USP24: variants seen among roughly 807,000 people sequenced by gnomAD.
USP24 encodes the protein ubiquitin specific peptidase 24.
In USP24, 97 loss-of-function variants were observed where a neutral mutation model predicts 361.6. The ratio of observed to expected loss-of-function variants is 0.27; its 90% CI spans 0.23 to 0.32. The LOEUF (loss-of-function observed/expected upper bound fraction) is 0.32, where lower values mean the gene tolerates loss of function less well. Ranked by LOEUF, USP24 falls within the 10% of genes least tolerant of loss-of-function variation. USP24 has a pLI of 1.00. For synonymous variants in USP24, 1,098 were observed against 1,124.6 expected, an observed-to-expected ratio of 0.98 and a Z score of 0.47; for missense variants, 2,353 against 3,165.6, an observed-to-expected ratio of 0.74 and a Z score of 6.16.
At chr1:55,149,413 C>T (rs185396252) in intron 16 of USP24, among the ~76,000 whole-genome samples, 35 of 152,210 alleles carry the variant, frequency 2.3e-4, no homozygotes, top group African/African-American at 7.7e-4. Context: ...GTTTTAATGC[C>T]TCCTTGTTCT....
intron 59 of USP24, 147 bp from the exon 60 acceptor site, chr1:55,079,806 A>AGAGTACTCACACG: frequency 2.9e-6 from 3 of 1,037,042 alleles, no homozygotes; most frequent in Non-Finnish European, 3.9e-6. Context: ...GTACTCACAC[A>AGAGTACTCACACG]CTGAGTACTC....
At chr1:55,109,921 T>G (rs1645901279) in intron 39 of USP24, among the ~76,000 whole-genome samples, 1 of 152,200 alleles carries the variant, frequency 6.6e-6, no homozygotes, top group Non-Finnish European at 1.5e-5. Flanking sequence ...AATAGTTTCG[T>G]ATCAGTGTAA....
At chr1:55,156,686 C>T (rs1209860561) in intron 12 of USP24, among the ~76,000 whole-genome samples, 3 of 152,060 alleles carry the variant, frequency 2.0e-5, no homozygotes, top group African/African-American at 7.2e-5. Context: ...CCTAGCTCTG[C>T]CACTAACTGC....
intron 1 of USP24, among the ~76,000 whole-genome samples, chr1:55,182,284 T>C (rs1473863745): frequency 6.6e-6 from 1 of 152,194 alleles, no homozygotes; most frequent in Non-Finnish European, 1.5e-5. Flanking sequence ...TCTCTTGACC[T>C]CATCGTGATA....
intron 56 of USP24, among the ~76,000 whole-genome samples, chr1:55,085,081 G>A (rs1295871019): frequency 6.6e-6 from 1 of 152,190 alleles, no homozygotes; most frequent in East Asian, 1.9e-4. Context: ...TTGCATCTAG[G>A]TAGGATTTTG....
chr1:55,144,858 TG>T (rs1201226612), intron 20 of USP24, among the ~76,000 whole-genome samples: 1 of 152,082 alleles, frequency 6.6e-6, no homozygotes, highest in Non-Finnish European at 1.5e-5. Context: ...CACATGAACC[TG>T]GGAAGTGGAG....
intron 1 of USP24, among the ~76,000 whole-genome samples, chr1:55,194,146 G>T (rs287229): frequency 0.84 from 127,805 of 152,166 alleles, 56,170 homozygotes; most frequent in Middle Eastern, 0.98. Flanking sequence ...CAAAGCACTA[G>T]TATTTTTTAA....
At chr1:55,179,318 A>C (rs1339345574) in intron 1 of USP24, among the ~76,000 whole-genome samples, 1 of 152,080 alleles carries the variant, frequency 6.6e-6, no homozygotes, top group Non-Finnish European at 1.5e-5. Flanking sequence ...CCTAGTCATC[A>C]AATACTTCAG....
At chr1:55,107,837 G>GT (rs772797052) in intron 39 of USP24, among the ~76,000 whole-genome samples, 87 of 10,982 alleles carry the variant, frequency 7.9e-3, no homozygotes, top group Non-Finnish European at 0.017. Flanking sequence ...GCAAGACTCT[G>GT]TCTCAAAAAA....
chr1:55,210,668 T>C (rs913795750), intron 1 of USP24, among the ~76,000 whole-genome samples: 5 of 152,174 alleles, frequency 3.3e-5, no homozygotes, highest in Admixed American at 6.5e-5. Context: ...CTTATTTTTA[T>C]GTGACTTAGA....
intron 34 of USP24, 38 bp downstream of exon 34, chr1:55,125,282 A>G: frequency 6.3e-7 from 1 of 1,586,276 alleles, no homozygotes; most frequent in East Asian, 2.2e-5. Flanking sequence ...ATTCTGAATA[A>G]GAGGGACTAA....
chr1:55,169,011 A>G lies in USP24; in HGVS notation c.826-2408T>C, dbSNP rs930604164. On this transcript the variant is annotated intron_variant, in intron 5 of 67. Coordinates refer to ENST00000294383, the MANE Select transcript of USP24 (RefSeq NM_015306.3). Reference sequence around the variant, plus strand: ...CCTACATACATACACAAAGCAAGTGAGTAAAAGCCAGCAGAATCAGACTTG... The same window carrying G: ...CCTACATACATACACAAAGCAAGTGGGTAAAAGCCAGCAGAATCAGACTTG... Among the ~76,000 whole-genome samples the G allele has an allele frequency of 2.6e-5, 4 of 152,310 alleles. No homozygotes were observed. In the South Asian group the frequency reaches 6.2e-4, roughly 24 times the overall value.
chr1:55,101,819 T>A, intron 42 of USP24, 116 bp from the exon 43 acceptor site: 10 of 1,305,858 alleles, frequency 7.7e-6, no homozygotes, highest in Non-Finnish European at 1.0e-5. Flanking sequence ...TCCAGCATGT[T>A]ATGAAAGCTA....
intron 40 of USP24, 95 bp downstream of exon 40, chr1:55,107,144 A>G (rs1645797852): frequency 1.4e-6 from 2 of 1,416,804 alleles, no homozygotes; most frequent in Admixed American, 4.9e-5. Context: ...TCCATGGAAC[A>G]CTTGGCATCT....
At chr1:55,177,679 T>C (rs191806876) in intron 2 of USP24, among the ~76,000 whole-genome samples, 7 of 152,294 alleles carry the variant, frequency 4.6e-5, no homozygotes, top group Admixed American at 1.3e-4. Flanking sequence ...AAAAAAGCTG[T>C]TGAATTGATG....
At chr1:55,078,744 T>TCAG in intron 60 of USP24, 93 bp from the exon 61 acceptor site, 1 of 923,126 alleles carries the variant, frequency 1.1e-6, no homozygotes, top group Non-Finnish European at 1.6e-6. Context: ...TACCCAGATT[T>TCAG]TAAGATAATT....
At chr1:55,153,960 G>C in intron 15 of USP24, 43 bp from the exon 16 acceptor site, 1 of 1,543,940 alleles carries the variant, frequency 6.5e-7, no homozygotes, top group Non-Finnish European at 8.8e-7. Flanking sequence ...CTTGGTAAAA[G>C]CAATACCTAT....
At chr1:55,112,334 C>T (rs1322860789) in intron 38 of USP24, among the ~76,000 whole-genome samples, 1 of 152,078 alleles carries the variant, frequency 6.6e-6, no homozygotes, top group Non-Finnish European at 1.5e-5. Context: ...TTTGTTTGCT[C>T]TTGCTTCTCT....
intron 5 of USP24, among the ~76,000 whole-genome samples, chr1:55,170,312 C>A (rs567868210): frequency 2.6e-5 from 4 of 152,030 alleles, no homozygotes; most frequent in African/African-American, 9.6e-5. Flanking sequence ...AAAGACTGCA[C>A]CTTTCTGGGT....
Sources: gnomAD v4.1 joint callset for allele counts (sites outside exome capture counted in the v4.1 genomes callset) on GRCh38, gnomAD v4.1.1 for gene constraint, MANE v1.5 for transcripts, NCBI Gene and HGNC (gene_info 2026-07-23, HGNC 2026-07-21) for gene names.